KHDRBS2: variants seen among roughly 807,000 people sequenced by gnomAD.
KHDRBS2 encodes the protein KH domain-containing, RNA-binding, signal transduction-associated protein 2.
In KHDRBS2, 26 loss-of-function variants were observed where a neutral mutation model predicts 44.3. The ratio of observed to expected loss-of-function variants is 0.59; its 90% CI spans 0.43 to 0.81. The LOEUF (loss-of-function observed/expected upper bound fraction) is 0.81. Among genes scored for constraint, KHDRBS2 ranks in the 40% least tolerant of loss-of-function variants. KHDRBS2 has a pLI of 0.00. For missense variants in KHDRBS2, 476 were observed against 433.1 expected (o/e 1.10, Z -0.88); for synonymous variants, 194 against 151.1 (o/e 1.28, Z -2.08).
intron 3 of KHDRBS2, among the ~76,000 whole-genome samples, chr6:62,028,881 T>C (rs71568783): frequency 1.1e-3 from 168 of 152,086 alleles, no homozygotes; most frequent in Non-Finnish European, 2.1e-3. Context: ...TCTTAGTGTA[T>C]GAAAAACATG....
At chr6:61,879,844 A>G (rs1483235729) in intron 6 of KHDRBS2, among the ~76,000 whole-genome samples, 1 of 151,768 alleles carries the variant, frequency 6.6e-6, no homozygotes, top group Non-Finnish European at 1.5e-5. Context: ...TATTTATCTC[A>G]TAACATTATA....
chr6:62,107,581 T>G (rs968032781), intron 2 of KHDRBS2, among the ~76,000 whole-genome samples: 3 of 152,036 alleles, frequency 2.0e-5, no homozygotes, highest in African/African-American at 4.8e-5. Flanking sequence ...TTCACAGAAT[T>G]GGAAAAAAAT....
At chr6:61,633,468 T>C in the KHDRBS2 span, among the ~76,000 whole-genome samples, 1 of 152,084 alleles carries the variant, frequency 6.6e-6, no homozygotes, top group African/African-American at 2.4e-5. Flanking sequence ...TGTCAGAATT[T>C]TAAATATACT....
At chr6:61,732,614 C>A (rs1335679138) in intron 7 of KHDRBS2, 68 bp downstream of exon 7, 3 of 882,192 alleles carry the variant, frequency 3.4e-6, no homozygotes, top group Admixed American at 1.9e-5. Context: ...AATTGACATT[C>A]AGATTCAAGA....
chr6:61,550,984 G>T, the KHDRBS2 span, among the ~76,000 whole-genome samples: 5 of 152,110 alleles, frequency 3.3e-5, no homozygotes, highest in Admixed American at 3.3e-4. Context: ...ATGTTTCCCA[G>T]GCTGGTCTGG....
At chr6:62,237,679 A>T (rs1261630542) in intron 1 of KHDRBS2, among the ~76,000 whole-genome samples, 1 of 152,194 alleles carries the variant, frequency 6.6e-6, no homozygotes, top group African/African-American at 2.4e-5. Context: ...AGTCATTCCC[A>T]CTAGAGGGAA....
intron 2 of KHDRBS2, among the ~76,000 whole-genome samples, chr6:62,171,288 A>G (rs1819948378): frequency 6.6e-6 from 1 of 152,148 alleles, no homozygotes; most frequent in African/African-American, 2.4e-5. Flanking sequence ...TTAATAATAC[A>G]ATCACAAGTA....
At chr6:62,099,564 C>T (rs1801397397) in intron 2 of KHDRBS2, among the ~76,000 whole-genome samples, 1 of 152,174 alleles carries the variant, frequency 6.6e-6, no homozygotes, top group Non-Finnish European at 1.5e-5. Context: ...TCCATGATAA[C>T]CCACTTGGGT....
At chr6:61,853,330 C>T (rs1207443298) in intron 6 of KHDRBS2, among the ~76,000 whole-genome samples, 1 of 152,100 alleles carries the variant, frequency 6.6e-6, no homozygotes, top group Admixed American at 6.5e-5. Flanking sequence ...ATGTATTTAC[C>T]ACATAATTTA....
At chr6:62,098,018 G>T (rs1171474474) in intron 2 of KHDRBS2, among the ~76,000 whole-genome samples, 1 of 151,928 alleles carries the variant, frequency 6.6e-6, no homozygotes, top group Admixed American at 6.6e-5. Context: ...AACAAAAAAA[G>T]TCTACACTAT....
chr6:62,194,414 C>A (rs1481828238), intron 1 of KHDRBS2, among the ~76,000 whole-genome samples: 1 of 148,022 alleles, frequency 6.8e-6, no homozygotes, highest in Non-Finnish European at 1.5e-5. Flanking sequence ...ACTTTCTAAG[C>A]AATTATATTG....
intron 6 of KHDRBS2, among the ~76,000 whole-genome samples, chr6:61,844,752 CCTT>C (rs71715274): frequency 0.57 from 86,825 of 151,572 alleles, 24,995 homozygotes; most frequent in South Asian, 0.68. Context: ...TGTTCACTGT[CCTT>C]CTTCTGAAAT....
the KHDRBS2 span, among the ~76,000 whole-genome samples, chr6:61,627,826 T>C: frequency 1.3e-5 from 2 of 152,150 alleles, no homozygotes; most frequent in Non-Finnish European, 2.9e-5. Context: ...TTCTGAAGTA[T>C]TAATATAATT....
chr6:61,666,490 G>A, the KHDRBS2 span, among the ~76,000 whole-genome samples: 1 of 151,300 alleles, frequency 6.6e-6, no homozygotes, highest in South Asian at 2.1e-4. Context: ...TTGCAACTTA[G>A]GGTCCACTTC....
chr6:62,074,476 C>A (rs1795932908), intron 2 of KHDRBS2, among the ~76,000 whole-genome samples: 1 of 151,812 alleles, frequency 6.6e-6, no homozygotes, highest in Admixed American at 6.6e-5. Flanking sequence ...CTCCCGCCAA[C>A]CCTCACCTCT....
At chr6:61,879,135 A>G (rs1198861603) in intron 6 of KHDRBS2, among the ~76,000 whole-genome samples, 2 of 151,996 alleles carry the variant, frequency 1.3e-5, no homozygotes, top group Non-Finnish European at 2.9e-5. Flanking sequence ...TACATCAAAT[A>G]GAAAGCAGTA....
intron 1 of KHDRBS2, among the ~76,000 whole-genome samples, chr6:62,250,629 T>C (rs779777860): frequency 6.6e-6 from 1 of 151,966 alleles, no homozygotes. Context: ...GGGAGTGCTG[T>C]AGTTGGAAAA....
chr6:61,661,959 A>G, the KHDRBS2 span, among the ~76,000 whole-genome samples: 1 of 151,334 alleles, frequency 6.6e-6, no homozygotes, highest in Non-Finnish European at 1.5e-5. Context: ...AAGCCAAAAG[A>G]ACAAAGCTGG....
intron 2 of KHDRBS2, among the ~76,000 whole-genome samples, chr6:62,165,509 T>A (rs1431500927): frequency 6.6e-6 from 1 of 151,806 alleles, no homozygotes; most frequent in East Asian, 1.9e-4. Flanking sequence ...GATCTAAAAA[T>A]TAGTGAATTT....
Sources: gnomAD v4.1 joint callset for allele counts (sites outside exome capture counted in the v4.1 genomes callset) on GRCh38, gnomAD v4.1.1 for gene constraint, MANE v1.5 for transcripts, NCBI Gene and HGNC (gene_info 2026-07-23, HGNC 2026-07-21) for gene names.